The following HMGXB4 variants were observed in gnomAD, a reference collection of about 807,000 sequenced individuals.
HMGXB4 encodes the protein HMG domain-containing protein 4.
Under a neutral mutation model 63.9 loss-of-function variants are expected in HMGXB4, and 27 were observed. That is an observed-to-expected ratio of 0.42 (90% CI 0.31 to 0.58). The LOEUF is 0.58. Ranked by LOEUF, HMGXB4 falls within the 20% of genes least tolerant of loss-of-function variation. The pLI is 0.13. For synonymous variants in HMGXB4, 264 were observed against 265.3 expected (o/e 0.99, Z 0.05); for missense variants, 624 against 700.7 (o/e 0.89, Z 1.24).
the HMGXB4 span, among the ~76,000 whole-genome samples, chr22:35,244,297 CT>C: frequency 0.87 from 106,809 of 122,192 alleles, 46,471 homozygotes; most frequent in Admixed American, 0.92. Flanking sequence ...TTTCTTTTTT[CT>C]TTTTTTTTTT....
intron 5 of HMGXB4, among the ~76,000 whole-genome samples, chr22:35,276,548 C>T (rs1276431705): frequency 3.9e-5 from 6 of 152,132 alleles, no homozygotes; most frequent in Non-Finnish European, 8.8e-5. Flanking sequence ...ACCCACACCC[C>T]GCCAAATGGC....
chr22:35,285,630 G>A (rs1279866458), intron 6 of HMGXB4, among the ~76,000 whole-genome samples: 2 of 152,218 alleles, frequency 1.3e-5, no homozygotes, highest in Non-Finnish European at 2.9e-5. Context: ...GGAGGCAGAG[G>A]TGAGAGGGTG....
chr22:35,253,214 G>A (rs569071706), upstream of HMGXB4, among the ~76,000 whole-genome samples: 3 of 152,090 alleles, frequency 2.0e-5, no homozygotes, highest in African/African-American at 7.2e-5. Context: ...CAGCAATGGC[G>A]GATGGACTTC....
At chr22:35,256,861 T>C (rs1472606866), upstream of HMGXB4, among the ~76,000 whole-genome samples, 1 of 152,224 alleles carries the variant, frequency 6.6e-6, no homozygotes, top group Non-Finnish European at 1.5e-5. Flanking sequence ...GTCGAAGTTC[T>C]CAATGGCAAA....
intron 5 of HMGXB4, among the ~76,000 whole-genome samples, chr22:35,271,700 A>T (rs949823482): frequency 6.6e-6 from 1 of 152,232 alleles, no homozygotes; most frequent in East Asian, 1.9e-4. Flanking sequence ...ACGCCACATC[A>T]GACTCACCAG....
At chr22:35,269,636 G>A (rs1923478768) in intron 5 of HMGXB4, among the ~76,000 whole-genome samples, 1 of 152,176 alleles carries the variant, frequency 6.6e-6, no homozygotes, top group Non-Finnish European at 1.5e-5. Flanking sequence ...AGGCAGTTTG[G>A]GGTTTATAAG....
intron 9 of HMGXB4, among the ~76,000 whole-genome samples, chr22:35,290,104 A>G (rs1323721666): frequency 1.3e-5 from 2 of 152,230 alleles, no homozygotes; most frequent in African/African-American, 2.4e-5. Context: ...ATGGATATAG[A>G]TATTTCCAGA....
chr22:35,263,656 AAAAT>A lies in HMGXB4; in HGVS notation c.181-136_181-133del, dbSNP rs367666150. 1.4e-3 allele frequency: 930 copies of A among 652,418 alleles called. 9 individuals carry two copies. The African/African-American group carries it at 0.014, about 10-fold the overall frequency. 40.4% of individuals were successfully genotyped at this position (652,418 alleles called of 1,614,324 possible). A position where few individuals can be genotyped will look rare whatever the true frequency, so the allele number is the denominator to read the frequency against. On this transcript the variant is annotated intron_variant, in intron 3 of 10. Coordinates refer to ENST00000216106, the MANE Select transcript of HMGXB4 (RefSeq NM_001003681.3). ...TATTTTTTAATAACTTGAGAAAAGA[AAAAT>A]AAAACGTTATGCACATCTATTTTTA... is the stretch of plus-strand genomic sequence containing the variant.
chr22:35,242,393 T>C, the HMGXB4 span, among the ~76,000 whole-genome samples: 1 of 152,230 alleles, frequency 6.6e-6, no homozygotes, highest in East Asian at 1.9e-4. Context: ...GTTGGTGTTT[T>C]TTGAAGAATT....
chr22:35,289,614 C>T (rs921857582), intron 9 of HMGXB4, among the ~76,000 whole-genome samples: 2 of 152,170 alleles, frequency 1.3e-5, no homozygotes, highest in African/African-American at 4.8e-5. Flanking sequence ...ATTAAGAGTT[C>T]CTCTGTTTTG....
chr22:35,250,568 C>T, the HMGXB4 span, among the ~76,000 whole-genome samples: 1 of 152,160 alleles, frequency 6.6e-6, no homozygotes, highest in Admixed American at 6.5e-5. Context: ...CCACCTCCAA[C>T]CATGAAGGTC....
intron 1 of HMGXB4, among the ~76,000 whole-genome samples, chr22:35,260,002 G>GA (rs1382503660): frequency 6.6e-6 from 1 of 152,180 alleles, no homozygotes. Context: ...CCAGTAACGA[G>GA]ACCACGATAC....
chr22:35,268,301 T>A (rs1923390595), intron 5 of HMGXB4, among the ~76,000 whole-genome samples: 1 of 152,150 alleles, frequency 6.6e-6, no homozygotes, highest in Non-Finnish European at 1.5e-5. Context: ...CACTTTTACA[T>A]TTCCCCCTTC....
chr22:35,270,967 T>G (rs929324566), intron 5 of HMGXB4, among the ~76,000 whole-genome samples: 5 of 152,124 alleles, frequency 3.3e-5, no homozygotes, highest in Non-Finnish European at 5.9e-5. Context: ...AAGAACTGTA[T>G]AAAAGTCAGG....
In HMGXB4 at chr22:35,263,807, T is replaced by G. The variant is rs1923021134; in HGVS notation, c.192T>G (p.Leu64=). The change falls in exon 4 of 11, where the codon CTT becomes CTG. Residue 64 remains leucine, a synonymous_variant. Coordinates refer to ENST00000216106, the MANE Select transcript of HMGXB4 (RefSeq NM_001003681.3). ...SSKKKLKDSE[L]YFLGTDTHKK... is the part of the protein sequence containing the mutation. Reference sequence around the variant, plus strand: ...TTCTTTAATTATAGGATAGTGAACTTTACTTCTTGGGGACGGACACACACA... The same window carrying G: ...TTCTTTAATTATAGGATAGTGAACTGTACTTCTTGGGGACGGACACACACA... The G allele has an allele frequency of 6.2e-7, 1 of 1,611,986 alleles. No individual in the cohort carries two copies. The highest frequency in any genetic ancestry group is 8.5e-7 in the Non-Finnish European group (1 of 1,178,016).
At chr22:35,253,132 CAAA>C (rs554912249), upstream of HMGXB4, among the ~76,000 whole-genome samples, 1 of 96,584 alleles carries the variant, frequency 1.0e-5, no homozygotes, top group African/African-American at 5.2e-5. Flanking sequence ...AACTCCATCT[CAAA>C]AAAAAAAAAA....
upstream of HMGXB4, among the ~76,000 whole-genome samples, chr22:35,253,266 G>A (rs1253178066): frequency 2.0e-5 from 3 of 152,170 alleles, no homozygotes; most frequent in African/African-American, 7.2e-5. Context: ...CCATTAGGAA[G>A]CTATTGTAAT....
chr22:35,278,434 TTCC>T (rs1374371694), intron 5 of HMGXB4, among the ~76,000 whole-genome samples: 4 of 152,178 alleles, frequency 2.6e-5, no homozygotes, highest in Non-Finnish European at 5.9e-5. Flanking sequence ...CCAAACTGTT[TTCC>T]AAAGTGGCTG....
intron 6 of HMGXB4, among the ~76,000 whole-genome samples, chr22:35,285,283 G>A (rs1311394577): frequency 6.6e-6 from 1 of 152,182 alleles, no homozygotes; most frequent in Admixed American, 6.6e-5. Flanking sequence ...GGTGGCTCAC[G>A]CCTGTAATCC....
Sources: gnomAD v4.1 joint callset for allele counts (sites outside exome capture counted in the v4.1 genomes callset) on GRCh38, gnomAD v4.1.1 for gene constraint, MANE v1.5 for transcripts, NCBI Gene and HGNC (gene_info 2026-07-23, HGNC 2026-07-21) for gene names.